Variants in CCDC30 observed in about 807,000 individuals in gnomAD.
CCDC30 encodes the protein coiled-coil domain containing 30.
A neutral mutation model predicts 100.2 loss-of-function variants in CCDC30; 70 were observed. That is an observed-to-expected ratio of 0.70 (90% CI 0.58 to 0.85). The LOEUF (loss-of-function observed/expected upper bound fraction) is 0.85. Among genes scored for constraint, CCDC30 ranks in the 40% least tolerant of loss-of-function variants. CCDC30 has a pLI of 0.00. For missense variants in CCDC30, 652 were observed against 771.2 expected (o/e 0.85, Z 1.83); for synonymous variants, 233 against 269.5 (o/e 0.86, Z 1.33).
chr1:42,527,118 T>C (rs886698412), intron 6 of CCDC30, among the ~76,000 whole-genome samples: 1 of 152,248 alleles, frequency 6.6e-6, no homozygotes, highest in Non-Finnish European at 1.5e-5. Flanking sequence ...CATGTGTTTC[T>C]AGTAAAACTT....
At chr1:42,537,668 C>A (rs147427648) in intron 6 of CCDC30, 327 of 179,528 alleles carry the variant, frequency 1.8e-3, no homozygotes, top group African/African-American at 7.3e-3. Flanking sequence ...ATGTAAAAAT[C>A]TGTTAAAAAT....
chr1:42,621,124 A>G (rs1286737746), intron 11 of CCDC30, among the ~76,000 whole-genome samples: 1 of 152,076 alleles, frequency 6.6e-6, no homozygotes, highest in Non-Finnish European at 1.5e-5. Flanking sequence ...AGAAGTTACA[A>G]GTGGATTTTT....
At chr1:42,572,811 G>GT (rs1645759592) in intron 7 of CCDC30, among the ~76,000 whole-genome samples, 2 of 152,032 alleles carry the variant, frequency 1.3e-5, no homozygotes, top group South Asian at 4.1e-4. Context: ...TAGATACAGG[G>GT]TTTCACCATA....
At chr1:42,460,092 TATG>T (rs1643370481), upstream of CCDC30, 10 of 1,378,654 alleles carry the variant, frequency 7.3e-6, no homozygotes, top group African/African-American at 1.4e-5. Context: ...TGACACCTGA[TATG>T]ATGTCATTTT....
chr1:42,575,700 A>ATT (rs1247622484), intron 7 of CCDC30, among the ~76,000 whole-genome samples: 2 of 151,598 alleles, frequency 1.3e-5, no homozygotes, highest in Non-Finnish European at 2.9e-5. Context: ...CTTTCTTGGA[A>ATT]TTTAAAGTGG....
chr1:42,509,951 TA>T, intron 6 of CCDC30: 2 of 631,148 alleles, frequency 3.2e-6, no homozygotes, highest in Non-Finnish European at 4.0e-6. Context: ...AGCTCAACTC[TA>T]AGCAAAGCAT....
At chr1:42,568,766 C>G (rs1319308124) in intron 7 of CCDC30, among the ~76,000 whole-genome samples, 1 of 144,576 alleles carries the variant, frequency 6.9e-6, no homozygotes, top group Non-Finnish European at 1.5e-5. Context: ...CCCATCTCTA[C>G]TAAAAGTCCA....
chr1:42,506,473 T>C (rs1177518098), intron 6 of CCDC30, among the ~76,000 whole-genome samples: 1 of 152,250 alleles, frequency 6.6e-6, no homozygotes, highest in Non-Finnish European at 1.5e-5. Flanking sequence ...GATTTGGTTA[T>C]CTTTGTGGTT....
At chr1:42,514,238 T>A (rs546990081) in intron 6 of CCDC30, among the ~76,000 whole-genome samples, 3 of 152,360 alleles carry the variant, frequency 2.0e-5, no homozygotes, top group African/African-American at 7.2e-5. Flanking sequence ...ACATATGTTT[T>A]CATGTCTCTT....
chr1:42,599,592 T>C (rs1164874011), intron 10 of CCDC30, among the ~76,000 whole-genome samples: 1 of 152,170 alleles, frequency 6.6e-6, no homozygotes, highest in African/African-American at 2.4e-5. Flanking sequence ...ATGGTTTAAA[T>C]GCACCAATTA....
chr1:42,546,429 T>A lies in CCDC30; in HGVS notation c.457-19867T>A, dbSNP rs1387958683. 9.8e-3 allele frequency among the ~76,000 whole-genome samples: 811 copies of A among 82,614 alleles called. 66 individuals carry two copies. Among genetic ancestry groups the A allele is most frequent in the African/African-American group, 0.028 (744 of 26,284 alleles). The allele number at this position is 82,614 out of a possible 152,430, so 54.2% of individuals were successfully genotyped here. A position where few individuals can be genotyped will look rare whatever the true frequency, so the allele number is the denominator to read the frequency against. The stretch of plus-strand genomic sequence containing the variant: ...ATATATATATATATATATATATATA[T>A]ATATATATATATAGTATTCTAATAA... On this transcript the variant is annotated intron_variant, in intron 6 of 16. Coordinates refer to ENST00000668663, the Ensembl canonical transcript of CCDC30.
chr1:42,456,568 G>A, the CCDC30 span: 2 of 1,477,272 alleles, frequency 1.4e-6, no homozygotes, highest in Non-Finnish European at 1.8e-6. Context: ...CGCTGCAGAT[G>A]GCGGAAATGG....
At chr1:42,487,082 A>T (rs1644062720) in intron 3 of CCDC30, among the ~76,000 whole-genome samples, 1 of 146,546 alleles carries the variant, frequency 6.8e-6, no homozygotes, top group African/African-American at 2.5e-5. Context: ...TTTGAGTCCA[A>T]CCTGAGCAAC....
rs142367011 is a variant in CCDC30 at position 42,487,903 on chromosome 1, G to A, written c.170-2255G>A. ...TGTAAGACTTTGATCACAGAACCCC[G>A]GCACACCATGCCCGGACTCCTGACC... On this transcript the variant is annotated intron_variant, in intron 3 of 16. Transcript: ENST00000668663. Among the ~76,000 whole-genome samples the A allele has an allele frequency of 3.9e-4, 60 of 152,234 alleles. 1 individual carries two copies. In the East Asian group the frequency reaches 8.3e-3, roughly 21 times the overall value.
chr1:42,603,142 G>A (rs1266436505), intron 10 of CCDC30, among the ~76,000 whole-genome samples: 1 of 152,180 alleles, frequency 6.6e-6, no homozygotes, highest in East Asian at 1.9e-4. Flanking sequence ...AGGTTGGGAA[G>A]TCTAAGATCA....
intron 10 of CCDC30, among the ~76,000 whole-genome samples, chr1:42,603,996 G>T (rs1646456255): frequency 1.3e-5 from 2 of 152,154 alleles, no homozygotes; most frequent in South Asian, 2.1e-4. Context: ...GAGGTGGGAG[G>T]ATTGCTTGAG....
At chr1:42,553,814 A>G (rs1557849069) in intron 6 of CCDC30, among the ~76,000 whole-genome samples, 1 of 152,152 alleles carries the variant, frequency 6.6e-6, no homozygotes, top group East Asian at 1.9e-4. Flanking sequence ...TTTTAAAGGC[A>G]TTTTACCCTT....
rs1395214156 is a variant in CCDC30, at chr1:42,577,005, A to G, written c.637-15A>G. On this transcript the variant is annotated splice_polypyrimidine_tract_variant and intron_variant, in intron 7 of 16. Coordinates refer to ENST00000668663, the Ensembl canonical transcript of CCDC30. ...ACACTTATTTGTATTACTCTTACTT[A>G]TTCTCTACCTCTAGATAAAGATTGA... 6.4e-7 allele frequency: 1 copy of G among 1,574,254 alleles called. No homozygotes were observed. The highest frequency in any genetic ancestry group is 1.7e-5 in the Admixed American group (1 of 59,636).
At chr1:42,525,820 C>A (rs555128754) in intron 6 of CCDC30, among the ~76,000 whole-genome samples, 1 of 151,856 alleles carries the variant, frequency 6.6e-6, no homozygotes, top group Admixed American at 6.6e-5. Context: ...ATGGTGTGAC[C>A]CTGGGTGTTC....
Sources: allele counts gnomAD v4.1 joint callset (sites outside exome capture counted in the v4.1 genomes callset), GRCh38; gene constraint gnomAD v4.1.1; transcripts MANE v1.5; gene names NCBI Gene and HGNC (gene_info 2026-07-23, HGNC 2026-07-21).